The following ELOVL5 variants were observed in gnomAD, a reference collection of about 807,000 sequenced individuals.
ELOVL5 encodes the protein very long chain fatty acid elongase 5.
A neutral mutation model predicts 38.6 loss-of-function variants in ELOVL5; 8 were observed. The observed-to-expected ratio is 0.21, with a 90% CI of 0.12 to 0.37. The LOEUF (loss-of-function observed/expected upper bound fraction) is 0.37. Among genes scored for constraint, ELOVL5 ranks in the 10% least tolerant of loss-of-function variants. ELOVL5 has a pLI of 1.00. For missense variants in ELOVL5, 280 were observed against 367.8 expected (o/e 0.76, Z 1.95); for synonymous variants, 127 against 133.7 (o/e 0.95, Z 0.34).
intron 3 of ELOVL5, among the ~76,000 whole-genome samples, chr6:53,280,941 A>G (rs1364299529): frequency 6.6e-6 from 1 of 152,160 alleles, no homozygotes; most frequent in African/African-American, 2.4e-5. Context: ...CCATCTAATA[A>G]CACATTTAAC....
intron 2 of ELOVL5, among the ~76,000 whole-genome samples, chr6:53,295,093 T>C (rs1021183843): frequency 6.6e-6 from 1 of 152,226 alleles, no homozygotes; most frequent in South Asian, 2.1e-4. Flanking sequence ...TTAAAAGCCA[T>C]TTCTAGTTTT....
At chr6:53,339,828 T>C (rs933458106) in intron 1 of ELOVL5, among the ~76,000 whole-genome samples, 3 of 152,216 alleles carry the variant, frequency 2.0e-5, no homozygotes, top group African/African-American at 7.2e-5. Context: ...TTACATATTT[T>C]AAAAAGTTAA....
chr6:53,286,028 T>C (rs1222029703), intron 3 of ELOVL5, among the ~76,000 whole-genome samples: 1 of 152,196 alleles, frequency 6.6e-6, no homozygotes, highest in Non-Finnish European at 1.5e-5. Flanking sequence ...TGGTATGACT[T>C]ACTTTATTGC....
chr6:53,327,566 T>C (rs1055561488), intron 1 of ELOVL5, among the ~76,000 whole-genome samples: 3 of 152,192 alleles, frequency 2.0e-5, no homozygotes, highest in Non-Finnish European at 4.4e-5. Context: ...TAACTGGCAG[T>C]GGTCTCCTTT....
At chr6:53,330,978 T>C (rs1768777550) in intron 1 of ELOVL5, among the ~76,000 whole-genome samples, 1 of 152,220 alleles carries the variant, frequency 6.6e-6, no homozygotes, top group Non-Finnish European at 1.5e-5. Context: ...GAATACCTCC[T>C]GAAAGACCTG....
At chr6:53,309,007 T>C (rs147058876) in intron 1 of ELOVL5, among the ~76,000 whole-genome samples, 20 of 152,230 alleles carry the variant, frequency 1.3e-4, no homozygotes, top group Non-Finnish European at 2.4e-4. Flanking sequence ...ATGGTACACA[T>C]CACACATAAC....
intron 1 of ELOVL5, among the ~76,000 whole-genome samples, chr6:53,300,231 C>T (rs1767195332): frequency 6.6e-6 from 1 of 152,120 alleles, no homozygotes; most frequent in Admixed American, 6.5e-5. Flanking sequence ...GACACCTTCA[C>T]CAAAAGCTTC....
rs1170705195 is a variant in ELOVL5 at position 53,268,282 on chromosome 6, A to C, written c.*845T>G. ...TACATCCTCTCTCGCACTGGTGGAA[A>C]GCAAAATTGACTTTTTGTTTGCTGT... On this transcript the variant is annotated 3_prime_UTR_variant, in exon 8 of 8. Coordinates refer to ENST00000304434, the MANE Select transcript of ELOVL5 (RefSeq NM_021814.5). The C allele has an allele frequency of 2.0e-5, 3 of 152,226 alleles. No homozygotes were observed. The highest frequency in any genetic ancestry group is 4.4e-5 in the Non-Finnish European group (3 of 68,054). The allele number at this position is 152,226 out of a possible 1,614,324, so 9.4% of individuals were successfully genotyped here.
intron 1 of ELOVL5, among the ~76,000 whole-genome samples, chr6:53,343,985 A>G (rs571074108): frequency 6.6e-6 from 1 of 152,300 alleles, no homozygotes; most frequent in African/African-American, 2.4e-5. Flanking sequence ...AGGCATCCCA[A>G]TTCTGTAATA....
At chr6:53,287,182 T>C (rs1288247151) in intron 3 of ELOVL5, among the ~76,000 whole-genome samples, 1 of 152,230 alleles carries the variant, frequency 6.6e-6, no homozygotes, top group Non-Finnish European at 1.5e-5. Flanking sequence ...TTAAATGTTC[T>C]GAATATTTTA....
intron 3 of ELOVL5, among the ~76,000 whole-genome samples, chr6:53,283,114 C>T (rs1374152181): frequency 2.0e-5 from 3 of 152,168 alleles, no homozygotes; most frequent in Non-Finnish European, 2.9e-5. Flanking sequence ...GTTCTAGCAA[C>T]GTGGCAAACT....
chr6:53,293,843 A>G (rs1766869536), intron 2 of ELOVL5, among the ~76,000 whole-genome samples: 1 of 151,960 alleles, frequency 6.6e-6, no homozygotes, highest in Non-Finnish European at 1.5e-5. Flanking sequence ...CACCCTCCCC[A>G]CTAGTTATGC....
At chr6:53,276,090 T>G in intron 4 of ELOVL5, 89 bp downstream of exon 4, 7 of 839,396 alleles carry the variant, frequency 8.3e-6, no homozygotes, top group Non-Finnish European at 1.3e-5. Flanking sequence ...GCCTGGGCAG[T>G]GAGGTTATGG....
At chr6:53,297,125 T>C (rs1425010721) in intron 1 of ELOVL5, among the ~76,000 whole-genome samples, 1 of 152,108 alleles carries the variant, frequency 6.6e-6, no homozygotes, top group Admixed American at 6.5e-5. Flanking sequence ...AATTCATGGC[T>C]GGAAACGAAG....
At chr6:53,285,269 T>C (rs1306550305) in intron 3 of ELOVL5, among the ~76,000 whole-genome samples, 3 of 152,258 alleles carry the variant, frequency 2.0e-5, no homozygotes, top group Admixed American at 6.5e-5. Flanking sequence ...AGTAGCCTTA[T>C]TGCTGAAAGT....
chr6:53,296,033 G>A (rs1766986403), intron 1 of ELOVL5, among the ~76,000 whole-genome samples: 1 of 152,098 alleles, frequency 6.6e-6, no homozygotes, highest in Admixed American at 6.6e-5. Flanking sequence ...AATGAGAGGT[G>A]GCAGACAGGA....
chr6:53,276,867 A>G (rs1465685673), intron 3 of ELOVL5: 1 of 151,772 alleles, frequency 6.6e-6, no homozygotes, highest in East Asian at 2.0e-4. Context: ...TTGTATGTAC[A>G]ATCCTCCGGA....
chr6:53,304,920 C>G (rs1465827663), intron 1 of ELOVL5, among the ~76,000 whole-genome samples: 4 of 152,188 alleles, frequency 2.6e-5, no homozygotes, highest in South Asian at 2.1e-4. Flanking sequence ...CATCATGGCC[C>G]GTTCTCAATG....
intron 1 of ELOVL5, among the ~76,000 whole-genome samples, chr6:53,328,449 A>G (rs1768645371): frequency 6.6e-6 from 1 of 152,226 alleles, no homozygotes; most frequent in Non-Finnish European, 1.5e-5. Context: ...CTAATGCTCT[A>G]TTTACAGTCC....
Sources: gnomAD v4.1 joint callset for allele counts (sites outside exome capture counted in the v4.1 genomes callset) on GRCh38, gnomAD v4.1.1 for gene constraint, MANE v1.5 for transcripts, NCBI Gene and HGNC (gene_info 2026-07-23, HGNC 2026-07-21) for gene names.